Variants in DOCK4 observed in about 807,000 individuals in gnomAD.
DOCK4 encodes dedicator of cytokinesis 4.
A neutral mutation model predicts 268.1 loss-of-function variants in DOCK4; 97 were observed. The ratio of observed to expected loss-of-function variants is 0.36; its 90% CI spans 0.31 to 0.43. The LOEUF (loss-of-function observed/expected upper bound fraction) is 0.43. DOCK4 is among the 20% of genes least tolerant of loss of function. DOCK4 has a pLI of 1.00. For missense variants in DOCK4, 2,145 were observed against 2,455.7 expected, an observed-to-expected ratio of 0.87 and a Z score of 2.67; for synonymous variants, 954 against 887.2, an observed-to-expected ratio of 1.08 and a Z score of -1.34.
intron 15 of DOCK4, among the ~76,000 whole-genome samples, chr7:111,897,425 A>G (rs1307086973): frequency 6.6e-6 from 1 of 152,216 alleles, no homozygotes; most frequent in East Asian, 1.9e-4. Flanking sequence ...CAAGTACCCC[A>G]GAGACCCATC....
intron 42 of DOCK4, among the ~76,000 whole-genome samples, chr7:111,755,272 T>C (rs1158583903): frequency 6.6e-6 from 1 of 151,148 alleles, no homozygotes; most frequent in Non-Finnish European, 1.5e-5. Context: ...AGGGCCTGAA[T>C]AGTTTTTTTA....
chr7:112,176,234 A>G (rs1472848840), intron 1 of DOCK4, among the ~76,000 whole-genome samples: 1 of 152,200 alleles, frequency 6.6e-6, no homozygotes, highest in Non-Finnish European at 1.5e-5. Flanking sequence ...GGGAAAGGAG[A>G]GTACAGGCAC....
chr7:111,735,062 G>A lies in DOCK4; in HGVS notation c.5411C>T (p.Thr1804Ile). ...LISPPVPPRP[T>I]QTASPARHTT... ...ATTCTTCAAATACCCACCAGTCTGT[G>A]TGGGTCTTGGAGGGACAGGGGGAGA... Residue 1804 changes from threonine (T) to isoleucine (I), a missense_variant, in exon 51 of 53, where the codon ACA becomes ATA. Physicochemically the swap from Thr to Ile is moderately conservative, Grantham distance 89. Coordinates refer to ENST00000428084, the MANE Select transcript of DOCK4 (RefSeq NM_001363540.2). 13 of 1,588,794 alleles carry A rather than the reference G, an allele frequency of 8.2e-6. No individual in the cohort carries two copies. The highest frequency in any genetic ancestry group is 8.6e-6 in the Non-Finnish European group (10 of 1,166,342).
intron 27 of DOCK4, among the ~76,000 whole-genome samples, chr7:111,819,160 C>T (rs1801787939): frequency 6.6e-6 from 1 of 152,106 alleles, no homozygotes; most frequent in Non-Finnish European, 1.5e-5. Flanking sequence ...AAAATAAAGA[C>T]CTGAAATTTC....
intron 1 of DOCK4, among the ~76,000 whole-genome samples, chr7:112,106,461 T>C (rs1811155662): frequency 6.6e-6 from 1 of 152,246 alleles, no homozygotes; most frequent in African/African-American, 2.4e-5. Flanking sequence ...CTTTTTAGCA[T>C]GCAGCAAAGA....
chr7:111,775,623 A>T (rs1295397909), intron 36 of DOCK4, among the ~76,000 whole-genome samples: 1 of 152,246 alleles, frequency 6.6e-6, no homozygotes, highest in Admixed American at 6.5e-5. Flanking sequence ...GGGAACAGAC[A>T]GAAAAAGCTC....
At chr7:111,884,364 A>G (rs1807665928) in intron 16 of DOCK4, among the ~76,000 whole-genome samples, 1 of 152,210 alleles carries the variant, frequency 6.6e-6, no homozygotes, top group Non-Finnish European at 1.5e-5. Flanking sequence ...CAATGTCACA[A>G]TATTAGAAAG....
chr7:111,898,167 T>A (rs1001010406), intron 15 of DOCK4, among the ~76,000 whole-genome samples: 3 of 152,190 alleles, frequency 2.0e-5, no homozygotes, highest in African/African-American at 7.2e-5. Context: ...CATCATGAAA[T>A]AAAAGACTAT....
chr7:111,937,839 T>A (rs1794866470), intron 11 of DOCK4, among the ~76,000 whole-genome samples: 1 of 152,196 alleles, frequency 6.6e-6, no homozygotes, highest in South Asian at 2.1e-4. Context: ...ATGGGGCAAG[T>A]TATTTAACTC....
rs566513848 is a variant in DOCK4 at position 111,898,097 on chromosome 7, C to T, written c.1480+2277G>A. Among the ~76,000 whole-genome samples, 11 of 152,272 alleles carry T rather than the reference C, an allele frequency of 7.2e-5. No individual in the cohort carries two copies. The East Asian group carries it at 1.9e-3, about 27-fold the overall frequency. On this transcript the variant is annotated intron_variant, in intron 15 of 52. Transcript: ENST00000428084. ...TCTATTATCCCATACAGTAGCCAGA[C>T]GTATCTTCACTCCAAATCCTCTCGT...
chr7:112,056,540 G>C (rs1182315519), intron 1 of DOCK4, among the ~76,000 whole-genome samples: 1 of 152,168 alleles, frequency 6.6e-6, no homozygotes, highest in Non-Finnish European at 1.5e-5. Context: ...AGAAAGAAGA[G>C]GGGAATTCCT....
At chr7:111,908,515 CTTTTA>C (rs992560153) in intron 13 of DOCK4, among the ~76,000 whole-genome samples, 3 of 151,022 alleles carry the variant, frequency 2.0e-5, no homozygotes, top group African/African-American at 7.3e-5. Context: ...GTCAAAGTGA[CTTTTA>C]TTTATTTTTT....
At chr7:112,177,771 TA>T (rs560638958) in intron 1 of DOCK4, among the ~76,000 whole-genome samples, 12 of 150,900 alleles carry the variant, frequency 8.0e-5, no homozygotes, top group South Asian at 2.1e-4. Context: ...TTTTATAAGG[TA>T]AAAAAAAAGA....
At chr7:111,776,745 T>C (rs904398926) in intron 36 of DOCK4, among the ~76,000 whole-genome samples, 4 of 152,150 alleles carry the variant, frequency 2.6e-5, no homozygotes, top group African/African-American at 9.7e-5. Flanking sequence ...CATATAATAA[T>C]CAAACCACTG....
chr7:111,907,280 G>A (rs892599712), intron 13 of DOCK4, among the ~76,000 whole-genome samples: 1 of 152,112 alleles, frequency 6.6e-6, no homozygotes, highest in Non-Finnish European at 1.5e-5. Context: ...TTGGGAGGTA[G>A]CTTTTTATGT....
intron 12 of DOCK4, among the ~76,000 whole-genome samples, chr7:111,922,748 A>AT (rs1793255071): frequency 6.6e-6 from 1 of 151,828 alleles, no homozygotes; most frequent in Non-Finnish European, 1.5e-5. Context: ...CACCCAGCTA[A>AT]TTTTTTATAC....
chr7:112,015,958 T>C (rs1801774222), intron 1 of DOCK4, among the ~76,000 whole-genome samples: 1 of 152,212 alleles, frequency 6.6e-6, no homozygotes, highest in African/African-American at 2.4e-5. Flanking sequence ...GGAGTCCCCA[T>C]GGTCCAATCA....
intron 17 of DOCK4, among the ~76,000 whole-genome samples, chr7:111,876,293 G>C (rs1010379717): frequency 2.6e-5 from 4 of 152,018 alleles, no homozygotes; most frequent in African/African-American, 9.7e-5. Flanking sequence ...CTGAGACTAT[G>C]ATCTAAAAGA....
At chr7:112,055,942 A>C (rs530710887) in intron 1 of DOCK4, among the ~76,000 whole-genome samples, 1 of 152,172 alleles carries the variant, frequency 6.6e-6, no homozygotes, top group African/African-American at 2.4e-5. Flanking sequence ...AAAGAAAGGG[A>C]AGAAATGTAA....
Sources: allele counts gnomAD v4.1 joint callset (sites outside exome capture counted in the v4.1 genomes callset), GRCh38; gene constraint gnomAD v4.1.1; transcripts MANE v1.5; gene names NCBI Gene and HGNC (gene_info 2026-07-23, HGNC 2026-07-21).